HEATR5A: variants seen among roughly 807,000 people sequenced by gnomAD.
HEATR5A encodes HEAT repeat-containing protein 5A.
A neutral mutation model predicts 218.8 loss-of-function variants in HEATR5A; 178 were observed. That is an observed-to-expected ratio of 0.81 (90% CI 0.72 to 0.92). The LOEUF is 0.92. Ranked by LOEUF, HEATR5A falls within the 40% of genes least tolerant of loss-of-function variation. The probability of loss-of-function intolerance (pLI) is 0.00; values close to 1 mark genes in which losing one functional copy is unlikely to be tolerated. For synonymous variants in HEATR5A, 864 were observed against 871.6 expected (o/e 0.99, Z 0.15); for missense variants, 2,420 against 2,418.9 (o/e 1.00, Z -0.01).
In HEATR5A at chr14:31,402,913, C is replaced by T. The variant is rs201968171; in HGVS notation, c.63G>A (p.Gln21=). The change falls in exon 2 of 36, where the codon CAG becomes CAA. Residue 21 remains glutamine (Q), a synonymous_variant. Coordinates refer to ENST00000543095, the MANE Select transcript of HEATR5A (RefSeq NM_015473.4). ...EEAYNQLGEV[Q]KAEFIFEWLR... ...ACCACTCAAAAATAAACTCTGCCTT[C>T]TGAACTTCACCTAGTTGATTGTATG... The T allele has an allele frequency of 1.4e-4, 211 of 1,536,430 alleles. No homozygotes were observed. The highest frequency in any genetic ancestry group is 6.7e-4 in the Middle Eastern group (4 of 5,994).
Position 31,323,595 on chromosome 14 carries a change from C to CT in HEATR5A, c.3756dup (p.Ala1253SerfsTer12). ...GAATCTCTTTTTTTCATTTCTTGTG[C>CT]TAAAGCAATGTCAAAATGTGCACTG... is the stretch of plus-strand genomic sequence containing the variant. On this transcript the variant is annotated frameshift_variant, in exon 24 of 36. Coordinates refer to ENST00000543095, the MANE Select transcript of HEATR5A (RefSeq NM_015473.4). LOFTEE classifies it high-confidence loss of function. 1 of 1,610,216 alleles carries CT rather than the reference C, an allele frequency of 6.2e-7. No homozygotes were observed. The highest frequency in any genetic ancestry group is 1.7e-5 in the Admixed American group (1 of 59,298).
At chr14:31,375,377 T>C (rs561990183) in intron 11 of HEATR5A, among the ~76,000 whole-genome samples, 2 of 152,306 alleles carry the variant, frequency 1.3e-5, no homozygotes, top group South Asian at 4.1e-4. Context: ...ACAATTATTA[T>C]AGTAACAAAC....
intron 33 of HEATR5A, among the ~76,000 whole-genome samples, chr14:31,298,460 AATT>A (rs1238338077): frequency 1.3e-5 from 2 of 151,972 alleles, no homozygotes; most frequent in Non-Finnish European, 2.9e-5. Context: ...CCTCAACATG[AATT>A]ATTATTATTA....
At chr14:31,412,019 C>T (rs1332127415) in intron 1 of HEATR5A, among the ~76,000 whole-genome samples, 1 of 151,948 alleles carries the variant, frequency 6.6e-6, no homozygotes, top group Non-Finnish European at 1.5e-5. Flanking sequence ...CCATGCCCGG[C>T]TAATTTTTGT....
intron 11 of HEATR5A, among the ~76,000 whole-genome samples, chr14:31,375,505 G>C (rs1444236533): frequency 6.6e-6 from 1 of 152,074 alleles, no homozygotes; most frequent in Non-Finnish European, 1.5e-5. Context: ...GAGCTTAAGT[G>C]ATCCTTCCAG....
intron 13 of HEATR5A, among the ~76,000 whole-genome samples, chr14:31,367,252 A>G (rs909780546): frequency 3.3e-5 from 5 of 152,228 alleles, no homozygotes; most frequent in Admixed American, 1.3e-4. Context: ...AAAAAGACTT[A>G]TAAGACCTTT....
intron 28 of HEATR5A, among the ~76,000 whole-genome samples, chr14:31,312,508 G>T (rs1286260363): frequency 6.6e-6 from 1 of 151,618 alleles, no homozygotes; most frequent in Non-Finnish European, 1.5e-5. Context: ...AGCCTCCCGG[G>T]TTCAAGCAAT....
intron 22 of HEATR5A, chr14:31,334,520 G>A (rs1262019914): frequency 2.2e-6 from 1 of 444,522 alleles, no homozygotes. Flanking sequence ...GTGGTAGCAG[G>A]TTTGAGAGAA....
At position 31,347,778 on chromosome 14, in the gene HEATR5A, C is replaced by CA; in HGVS notation, c.2837dup (p.Leu946PhefsTer9). On this transcript the variant is annotated frameshift_variant, in exon 19 of 36. Transcript: ENST00000543095. LOFTEE classifies it high-confidence loss of function. The stretch of plus-strand genomic sequence containing the variant: ...CATCAGGAGAAGTGCTGTCCTGCGC[C>CA]AAAGTATAAAGGATTCCAATACAAG... 6.2e-7 allele frequency: 1 copy of CA among 1,608,752 alleles called. No individual in the cohort carries two copies. The highest frequency in any genetic ancestry group is 2.2e-5 in the East Asian group (1 of 44,676).
At chr14:31,414,611 GC>G (rs932570235) in intron 1 of HEATR5A, among the ~76,000 whole-genome samples, 2 of 152,108 alleles carry the variant, frequency 1.3e-5, no homozygotes, top group African/African-American at 2.4e-5. Context: ...AGAAATTCTT[GC>G]CCCCTTTTAA....
intron 9 of HEATR5A, among the ~76,000 whole-genome samples, chr14:31,384,553 A>G (rs1161631681): frequency 6.9e-6 from 1 of 143,902 alleles, no homozygotes; most frequent in Non-Finnish European, 1.5e-5. Flanking sequence ...TTGAGATAGC[A>G]TCTTGCTCTG....
chr14:31,332,130 T>A (rs1463379088), intron 22 of HEATR5A, among the ~76,000 whole-genome samples: 2 of 152,228 alleles, frequency 1.3e-5, no homozygotes, highest in Admixed American at 6.5e-5. Context: ...ATTAAGTAGA[T>A]GAATCAACAT....
intron 20 of HEATR5A, 127 bp downstream of exon 20, chr14:31,344,960 G>T: frequency 1.4e-6 from 1 of 731,804 alleles, no homozygotes; most frequent in Non-Finnish European, 2.3e-6. Context: ...AGGCTGAATG[G>T]CATTTATACA....
chr14:31,302,874 C>T (rs1399427984), intron 32 of HEATR5A: 2 of 215,282 alleles, frequency 9.3e-6, no homozygotes, highest in Non-Finnish European at 1.8e-5. Flanking sequence ...TTTTAGTGTA[C>T]AGTCCAGTGG....
At chr14:31,369,307 C>T (rs1901929045) in intron 13 of HEATR5A, among the ~76,000 whole-genome samples, 1 of 151,454 alleles carries the variant, frequency 6.6e-6, no homozygotes, top group Non-Finnish European at 1.5e-5. Flanking sequence ...CAGAGTGAGA[C>T]CCTGTCTCAC....
rs1899084661 is a variant in HEATR5A at position 31,293,605 on chromosome 14, C to CTGAG, written c.5837_5840dup (p.Gln1947HisfsTer18). Reference sequence around the variant, plus strand: ...GGATGGGCAAAAGACAGGCCACCAGCTGAGCGCCTAGAAAGTAAACAAATA... The same window carrying CTGAG: ...GGATGGGCAAAAGACAGGCCACCAGCTGAGTGAGCGCCTAGAAAGTAAACAAATA... On this transcript the variant is annotated frameshift_variant, in exon 36 of 36. Coordinates refer to ENST00000543095, the MANE Select transcript of HEATR5A (RefSeq NM_015473.4). LOFTEE classifies it high-confidence loss of function. The CTGAG allele has an allele frequency of 6.2e-7, 1 of 1,601,928 alleles. No individual in the cohort carries two copies. The highest frequency in any genetic ancestry group is 1.1e-5 in the South Asian group (1 of 88,758).
chr14:31,320,423 C>T, intron 25 of HEATR5A: 1 of 1,237,352 alleles, frequency 8.1e-7, no homozygotes. Context: ...TGACCCAGCA[C>T]CAATAAACTT....
At chr14:31,364,865 C>A (rs1185590375) in intron 13 of HEATR5A, among the ~76,000 whole-genome samples, 5 of 152,046 alleles carry the variant, frequency 3.3e-5, no homozygotes, top group African/African-American at 1.2e-4. Flanking sequence ...AGGACTACTA[C>A]TGTTTTTGGT....
intron 21 of HEATR5A, among the ~76,000 whole-genome samples, chr14:31,340,791 T>C (rs1900815243): frequency 8.3e-6 from 1 of 120,844 alleles, no homozygotes; most frequent in African/African-American, 2.6e-5. Context: ...CAAGTAGACA[T>C]AAGTGTTGAG....
Sources: gnomAD v4.1 joint callset for allele counts (sites outside exome capture counted in the v4.1 genomes callset) on GRCh38, gnomAD v4.1.1 for gene constraint, MANE v1.5 for transcripts, NCBI Gene and HGNC (gene_info 2026-07-23, HGNC 2026-07-21) for gene names.